The following MED27 variants were observed in gnomAD, a reference collection of about 807,000 sequenced individuals.
The protein encoded by MED27 is mediator complex subunit 27, also known as mediator of RNA polymerase II transcription subunit 27.
In MED27, 30 loss-of-function variants were observed where a neutral mutation model predicts 38.2. The observed-to-expected ratio is 0.79, with a 90% CI of 0.59 to 1.07. The LOEUF (loss-of-function observed/expected upper bound fraction) is 1.07. Among genes scored for constraint, MED27 ranks in the 50% least tolerant of loss-of-function variants. The pLI, the probability that MED27 is intolerant of heterozygous loss-of-function variation, is 0.00. For synonymous variants in MED27, 122 were observed against 153.5 expected, an observed-to-expected ratio of 0.79 and a Z score of 1.52; for missense variants, 289 against 397.5, an observed-to-expected ratio of 0.73 and a Z score of 2.32.
chr9:132,022,375 C>T (rs1354780005), intron 2 of MED27, among the ~76,000 whole-genome samples: 1 of 152,184 alleles, frequency 6.6e-6, no homozygotes, highest in Non-Finnish European at 1.5e-5. Flanking sequence ...AATGACACAT[C>T]TCAGGATTAT....
intron 4 of MED27, among the ~76,000 whole-genome samples, chr9:131,938,551 T>A (rs1185538364): frequency 6.6e-6 from 1 of 152,178 alleles, no homozygotes; most frequent in Non-Finnish European, 1.5e-5. Context: ...ACACCTGTCT[T>A]CGGTGAATTC....
At chr9:132,050,719 C>T (rs1341254311) in intron 2 of MED27, among the ~76,000 whole-genome samples, 3 of 152,216 alleles carry the variant, frequency 2.0e-5, no homozygotes, top group Non-Finnish European at 2.9e-5. Flanking sequence ...TGCTCAGACT[C>T]TGCTCTCCAC....
At chr9:131,950,177 A>G (rs751133316) in intron 3 of MED27, among the ~76,000 whole-genome samples, 84 of 152,150 alleles carry the variant, frequency 5.5e-4, no homozygotes, top group Non-Finnish European at 2.5e-4. Context: ...TAATAATAAA[A>G]CACCTGTGTT....
At chr9:131,919,460 A>ATT (rs5900963) in intron 4 of MED27, among the ~76,000 whole-genome samples, 1 of 150,146 alleles carries the variant, frequency 6.7e-6, no homozygotes. Flanking sequence ...GCTTCAAGTG[A>ATT]TTTTTTTTTT....
intron 1 of MED27, among the ~76,000 whole-genome samples, chr9:132,078,742 T>A (rs1385885279): frequency 6.6e-6 from 1 of 152,160 alleles, no homozygotes; most frequent in Non-Finnish European, 1.5e-5. Context: ...TTTCCCCTAC[T>A]CAGGTCAGTT....
chr9:131,893,036 G>A (rs1473767555), intron 5 of MED27, among the ~76,000 whole-genome samples: 1 of 152,186 alleles, frequency 6.6e-6, no homozygotes, highest in Non-Finnish European at 1.5e-5. Flanking sequence ...GCCCTGCTAT[G>A]TGCTAAGCCA....
At chr9:131,970,924 G>A (rs1198792280) in intron 3 of MED27, among the ~76,000 whole-genome samples, 3 of 152,204 alleles carry the variant, frequency 2.0e-5, no homozygotes, top group African/African-American at 7.2e-5. Flanking sequence ...AATACAGGCA[G>A]AGTATTGATG....
At chr9:132,026,725 T>C (rs1475910416) in intron 2 of MED27, among the ~76,000 whole-genome samples, 1 of 152,146 alleles carries the variant, frequency 6.6e-6, no homozygotes, top group Non-Finnish European at 1.5e-5. Flanking sequence ...ATATCTCCCC[T>C]AGTCCTCACA....
At chr9:131,875,760 C>T (rs1440788359) in intron 6 of MED27, among the ~76,000 whole-genome samples, 1 of 152,234 alleles carries the variant, frequency 6.6e-6, no homozygotes, top group African/African-American at 2.4e-5. Context: ...ACCACAGGCA[C>T]ATGCCACCAC....
chr9:131,976,833 A>T (rs1176235732), intron 3 of MED27, among the ~76,000 whole-genome samples: 1 of 152,190 alleles, frequency 6.6e-6, no homozygotes, highest in African/African-American at 2.4e-5. Flanking sequence ...AATCTACAAC[A>T]CTATTATCTA....
intron 3 of MED27, among the ~76,000 whole-genome samples, chr9:132,010,687 G>C (rs996837126): frequency 1.3e-5 from 2 of 152,158 alleles, no homozygotes; most frequent in African/African-American, 4.8e-5. Context: ...ATACACCACG[G>C]AATACTATGC....
At chr9:131,877,691 G>C (rs1589177518) in intron 6 of MED27, among the ~76,000 whole-genome samples, 1 of 152,212 alleles carries the variant, frequency 6.6e-6, no homozygotes, top group African/African-American at 2.4e-5. Flanking sequence ...ACTCAGAGGA[G>C]GGTGACGGTT....
chr9:132,003,842 A>G lies in MED27; in HGVS notation c.479+10495T>C, dbSNP rs773457926. ...GGTTTAAGGGTACCTCAAACTTGAC[A>G]TGCTTCAAATGAAACCCATTAATTT... On this transcript the variant is annotated intron_variant, in intron 3 of 7. Transcript: ENST00000292035. The surrounding 1 kb of genome is among the most constrained non-coding windows in gnomAD (Gnocchi z 4.2). Among the ~76,000 whole-genome samples the G allele has an allele frequency of 1.3e-5, 2 of 152,176 alleles. No homozygotes were observed. The highest frequency in any genetic ancestry group is 2.9e-5 in the Non-Finnish European group (2 of 68,024).
chr9:131,960,382 G>A (rs547253500), intron 3 of MED27, among the ~76,000 whole-genome samples: 2 of 152,214 alleles, frequency 1.3e-5, no homozygotes, highest in African/African-American at 4.8e-5. Flanking sequence ...GTAGCTTGAC[G>A]CTCTGACTTG....
intron 2 of MED27, among the ~76,000 whole-genome samples, chr9:132,075,162 T>C (rs563461624): frequency 6.6e-6 from 1 of 152,362 alleles, no homozygotes; most frequent in South Asian, 2.1e-4. Flanking sequence ...AATTGTTTTC[T>C]ACAGTTGAAA....
intron 3 of MED27, among the ~76,000 whole-genome samples, chr9:131,995,370 G>C (rs1263718560): frequency 6.6e-6 from 1 of 151,960 alleles, no homozygotes; most frequent in East Asian, 1.9e-4. Flanking sequence ...GCATGGACTT[G>C]CACTTATTAA....
intron 3 of MED27, among the ~76,000 whole-genome samples, chr9:131,954,431 T>C (rs550731326): frequency 6.6e-6 from 1 of 152,314 alleles, no homozygotes; most frequent in South Asian, 2.1e-4. Context: ...GAGCCAAATC[T>C]AGGAGTCTAC....
At chr9:131,922,603 G>A (rs1830414442) in intron 4 of MED27, among the ~76,000 whole-genome samples, 1 of 151,284 alleles carries the variant, frequency 6.6e-6, no homozygotes, top group Non-Finnish European at 1.5e-5. Flanking sequence ...GCCACACCCA[G>A]CTAATTTTTG....
At chr9:131,863,745 G>A (rs1043444187) in intron 6 of MED27, among the ~76,000 whole-genome samples, 4 of 152,114 alleles carry the variant, frequency 2.6e-5, no homozygotes, top group Admixed American at 2.0e-4. Flanking sequence ...ATGGCCCTTC[G>A]CAGGAGCCCG....
Sources: gnomAD v4.1 joint callset for allele counts (sites outside exome capture counted in the v4.1 genomes callset) on GRCh38, gnomAD v4.1.1 for gene constraint, Gnocchi (gnomAD v3.1) non-coding constraint, MANE v1.5 for transcripts, NCBI Gene and HGNC (gene_info 2026-07-23, HGNC 2026-07-21) for gene names.